CDH13: variants seen among roughly 807,000 people sequenced by gnomAD.
CDH13 encodes the protein cadherin-13.
A neutral mutation model predicts 63.8 loss-of-function variants in CDH13; 24 were observed. That is an observed-to-expected ratio of 0.38 (90% CI 0.27 to 0.53). The LOEUF (loss-of-function observed/expected upper bound fraction) is 0.53. CDH13 is among the 20% of genes least tolerant of loss of function. The pLI is 0.85. For missense variants in CDH13, 1,049 were observed against 903.1 expected (o/e 1.16, Z -2.07); for synonymous variants, 503 against 355.3 (o/e 1.42, Z -4.67).
chr16:82,697,618 C>T (rs144214930), intron 1 of CDH13, among the ~76,000 whole-genome samples: 2,861 of 151,512 alleles, frequency 0.019, 46 homozygotes, highest in Middle Eastern at 0.048. Flanking sequence ...TTAGTAGAGA[C>T]GGGATTTCAC....
chr16:82,910,918 C>T (rs1358999938), intron 2 of CDH13, among the ~76,000 whole-genome samples: 2 of 152,234 alleles, frequency 1.3e-5, no homozygotes, highest in East Asian at 3.9e-4. Context: ...ACTGTGTGGC[C>T]AGTGAGCAAA....
intron 10 of CDH13, among the ~76,000 whole-genome samples, chr16:83,725,042 GAGAA>G (rs1408378344): frequency 6.6e-6 from 1 of 152,198 alleles, no homozygotes; most frequent in Non-Finnish European, 1.5e-5. Flanking sequence ...ACTCAGTCTA[GAGAA>G]AGAAAGAGAT....
intron 10 of CDH13, among the ~76,000 whole-genome samples, chr16:83,709,389 C>T (rs1293824884): frequency 2.0e-5 from 3 of 152,162 alleles, no homozygotes; most frequent in Admixed American, 1.3e-4. Context: ...AGGGTTCCCC[C>T]AGCGGACTCC....
At chr16:83,137,340 A>G (rs912637438) in intron 4 of CDH13, among the ~76,000 whole-genome samples, 16 of 152,212 alleles carry the variant, frequency 1.1e-4, no homozygotes, top group Admixed American at 3.3e-4. Flanking sequence ...TTCTGCAGCA[A>G]TTGTCCCAGT....
At chr16:83,390,111 G>A (rs1233587896) in intron 6 of CDH13, among the ~76,000 whole-genome samples, 1 of 152,120 alleles carries the variant, frequency 6.6e-6, no homozygotes, top group Admixed American at 6.5e-5. Flanking sequence ...GTAAATCAGT[G>A]GTAATACAAG....
intron 5 of CDH13, among the ~76,000 whole-genome samples, chr16:83,303,724 A>T (rs541029463): frequency 6.6e-6 from 1 of 152,206 alleles, no homozygotes; most frequent in Non-Finnish European, 1.5e-5. Context: ...GGAAGGTCAG[A>T]GAAACCTTGA....
intron 1 of CDH13, among the ~76,000 whole-genome samples, chr16:82,712,749 T>C (rs1424556797): frequency 2.0e-5 from 3 of 152,200 alleles, no homozygotes; most frequent in Admixed American, 1.3e-4. Flanking sequence ...ACTGTTCGCA[T>C]AGCCTTTCCT....
At chr16:83,095,307 C>T (rs2034139055) in intron 3 of CDH13, among the ~76,000 whole-genome samples, 1 of 152,134 alleles carries the variant, frequency 6.6e-6, no homozygotes. Flanking sequence ...CAACATGGTA[C>T]TGGTGTAGTA....
chr16:82,693,929 C>T (rs192902301), intron 1 of CDH13, among the ~76,000 whole-genome samples: 2 of 152,292 alleles, frequency 1.3e-5, no homozygotes, highest in East Asian at 3.9e-4. Flanking sequence ...ATGGGATACA[C>T]TAAGGTACAG....
chr16:83,562,573 T>C lies in CDH13; in HGVS notation c.961-39881T>C, dbSNP rs1443007129. Among the ~76,000 whole-genome samples the C allele has an allele frequency of 2.6e-5, 4 of 152,228 alleles. No individual in the cohort carries two copies. The East Asian group carries it at 7.7e-4, about 29-fold the overall frequency. On this transcript the variant is annotated intron_variant, in intron 7 of 13. Coordinates refer to ENST00000567109, the MANE Select transcript of CDH13 (RefSeq NM_001257.5). ...AGAGACCCATGAAAATAAATAGTCC[T>C]ACAGATGTAAGATTTGAGATAAAAC...
intron 2 of CDH13, among the ~76,000 whole-genome samples, chr16:83,023,551 C>G (rs1249948542): frequency 2.0e-5 from 3 of 152,168 alleles, no homozygotes; most frequent in Non-Finnish European, 4.4e-5. Context: ...ATTGTTTAGT[C>G]ACATCTTTCA....
At chr16:83,298,717 T>C (rs529853793) in intron 5 of CDH13, among the ~76,000 whole-genome samples, 6 of 152,288 alleles carry the variant, frequency 3.9e-5, no homozygotes, top group African/African-American at 1.4e-4. Flanking sequence ...AGGCCTAAGG[T>C]TGAGAGGCTC....
rs531649077 is a variant in CDH13, at chr16:83,449,500, C to T, written c.782-36977C>T. ...TTTTGAAATTTCTGGAAATATCACTCGGTGAATCAAAGCAAATTAATTCTC... is the reference window on the plus strand; with the variant it reads ...TTTTGAAATTTCTGGAAATATCACTTGGTGAATCAAAGCAAATTAATTCTC... On this transcript the variant is annotated intron_variant, in intron 6 of 13. Transcript: ENST00000567109. 3.5e-4 allele frequency among the ~76,000 whole-genome samples: 53 copies of T among 152,296 alleles called. No individual in the cohort carries two copies. The South Asian group carries it at 3.5e-3, about 10-fold the overall frequency.
chr16:82,931,329 C>A (rs2151295384), intron 2 of CDH13, among the ~76,000 whole-genome samples: 1 of 152,316 alleles, frequency 6.6e-6, no homozygotes, highest in East Asian at 1.9e-4. Context: ...GTTAGAATCA[C>A]TGCTAAATAT....
At chr16:83,061,089 C>A (rs1037522305) in intron 3 of CDH13, among the ~76,000 whole-genome samples, 1 of 152,180 alleles carries the variant, frequency 6.6e-6, no homozygotes, top group Non-Finnish European at 1.5e-5. Flanking sequence ...CTCCATTTTA[C>A]AAAGGAGAAA....
At chr16:83,658,077 G>A (rs201442780) in intron 8 of CDH13, among the ~76,000 whole-genome samples, 265 of 30,370 alleles carry the variant, frequency 8.7e-3, no homozygotes, top group Middle Eastern at 0.028. Context: ...CAGGTGCCAT[G>A]TCCTCACCAG....
At position 83,035,726 on chromosome 16, in the gene CDH13, C is replaced by T. The variant is rs566406896; in HGVS notation, c.366+3508C>T. The stretch of plus-strand genomic sequence containing the variant: ...ATGTTGGCCTGTCTTCATGGTGTTT[C>T]TCTTCTAAGCTGTGTTACCTTCAGT... On this transcript the variant is annotated intron_variant, in intron 3 of 13. Transcript: ENST00000567109. Among the ~76,000 whole-genome samples the T allele has an allele frequency of 4.9e-4, 75 of 152,230 alleles. 1 individual carries two copies. Among genetic ancestry groups the T allele is most frequent in the Middle Eastern group, 3.4e-3 (1 of 294 alleles).
intron 5 of CDH13, among the ~76,000 whole-genome samples, chr16:83,327,135 G>A (rs1047719320): frequency 2.0e-5 from 3 of 152,198 alleles, no homozygotes; most frequent in Non-Finnish European, 4.4e-5. Context: ...CAGTGAGCTA[G>A]AATTTGTATT....
chr16:83,624,208 C>A (rs1278545141), intron 8 of CDH13, among the ~76,000 whole-genome samples: 2 of 152,152 alleles, frequency 1.3e-5, no homozygotes, highest in Admixed American at 1.3e-4. Context: ...ATGCCTTATA[C>A]ACAAAGGCAG....
Sources: gnomAD v4.1 joint callset for allele counts (sites outside exome capture counted in the v4.1 genomes callset) on GRCh38, gnomAD v4.1.1 for gene constraint, MANE v1.5 for transcripts, NCBI Gene and HGNC (gene_info 2026-07-23, HGNC 2026-07-21) for gene names.